The following GPR180 variants were observed in gnomAD, a reference collection of about 807,000 sequenced individuals.
GPR180 encodes integral membrane protein GPR180.
A neutral mutation model predicts 52.6 loss-of-function variants in GPR180; 53 were observed. The observed-to-expected ratio is 1.01, with a 90% CI of 0.81 to 1.27. The LOEUF (loss-of-function observed/expected upper bound fraction) is 1.27. Among genes scored for constraint, GPR180 ranks in the 50% most tolerant of loss-of-function variants. GPR180 has a pLI of 0.00. For missense variants in GPR180, 533 were observed against 527.0 expected, an observed-to-expected ratio of 1.01 and a Z score of -0.11; for synonymous variants, 200 against 193.1, an observed-to-expected ratio of 1.04 and a Z score of -0.30.
Position 94,627,258 on chromosome 13 carries a change from A to G in GPR180, c.*87A>G. 1.8e-6 allele frequency: 2 copies of G among 1,140,300 alleles called. No homozygotes were observed. Among genetic ancestry groups the G allele is most frequent in the Non-Finnish European group, 2.5e-6 (2 of 784,812 alleles). 70.6% of individuals were successfully genotyped at this position (1,140,300 alleles called of 1,614,324 possible). On this transcript the variant is annotated 3_prime_UTR_variant, in exon 9 of 9. Transcript: ENST00000376958. ...ACAGTGACTTTTTTTTCATACATTT[A>G]GTATGAAAACTTGAACAGCGAAAGC...
chr13:94,626,085 T>C (rs1472573551), intron 8 of GPR180, 42 bp downstream of exon 8: 1 of 1,347,712 alleles, frequency 7.4e-7, no homozygotes, highest in Admixed American at 1.7e-5. Context: ...TTAATGAAAA[T>C]ATTGTCTTAA....
chr13:94,619,558 T>G, intron 5 of GPR180, 41 bp downstream of exon 5: 1 of 1,482,150 alleles, frequency 6.7e-7, no homozygotes, highest in Non-Finnish European at 9.3e-7. Context: ...GCTTTTACAC[T>G]CGCTATCTGC....
At chr13:94,619,097 T>A (rs1332831257) in intron 3 of GPR180, 53 bp from the exon 4 acceptor site, 1 of 1,440,758 alleles carries the variant, frequency 6.9e-7, no homozygotes, top group African/African-American at 1.4e-5. Context: ...AGCAGCCCAA[T>A]ACGATAACTG....
intron 7 of GPR180, among the ~76,000 whole-genome samples, chr13:94,625,171 T>A (rs1367769345): frequency 6.6e-6 from 1 of 152,238 alleles, no homozygotes; most frequent in African/African-American, 2.4e-5. Flanking sequence ...ATGTTTTAAT[T>A]TAACTTTCTA....
intron 1 of GPR180, among the ~76,000 whole-genome samples, chr13:94,602,830 A>T (rs986798723): frequency 6.6e-6 from 1 of 152,140 alleles, no homozygotes; most frequent in Non-Finnish European, 1.5e-5. Flanking sequence ...TTGCACTCTC[A>T]CAATTTAAGT....
At chr13:94,624,899 TC>T (rs1360173036) in intron 7 of GPR180, among the ~76,000 whole-genome samples, 1 of 151,958 alleles carries the variant, frequency 6.6e-6, no homozygotes, top group Non-Finnish European at 1.5e-5. Context: ...TGGTGCGATT[TC>T]GGCTCACTGC....
At position 94,601,999 on chromosome 13, in the gene GPR180, C is replaced by T. The variant is rs1323421325; in HGVS notation, c.72C>T (p.Thr24=). 3.4e-6 allele frequency: 5 copies of T among 1,477,114 alleles called. No homozygotes were observed. The highest frequency in any genetic ancestry group is 4.5e-6 in the Non-Finnish European group (5 of 1,116,492). 91.5% of individuals were successfully genotyped at this position (1,477,114 alleles called of 1,614,324 possible). The change falls in exon 1 of 9, where the codon ACC becomes ACT. Residue 24 remains threonine (T), a synonymous_variant. Transcript: ENST00000376958. ...GGCCGCAGGGCAGCCAGGGTAAGACCCTGCGGGGCAGCTTCAGCAGCACCG... is the reference window on the plus strand; with the variant it reads ...GGCCGCAGGGCAGCCAGGGTAAGACTCTGCGGGGCAGCTTCAGCAGCACCG... ...CWWPQGSQGK[T]LRGSFSSTAA... is the part of the protein sequence containing the mutation.
At position 94,614,654 on chromosome 13, in the gene GPR180, G is replaced by C. The variant is rs113313241; in HGVS notation, c.505+2264G>C. On this transcript the variant is annotated intron_variant, in intron 3 of 8. Coordinates refer to ENST00000376958, the MANE Select transcript of GPR180 (RefSeq NM_180989.6). ...GATGCATACTAACCGTTATGATTCA[G>C]TTCTTAGTTTTGTCTCCTTCTGACC... Among the ~76,000 whole-genome samples the C allele has an allele frequency of 7.3e-3, 1,108 of 152,192 alleles. 16 individuals are homozygous for C. Among genetic ancestry groups the C allele is most frequent in the African/African-American group, 0.026 (1,060 of 41,508 alleles).
chr13:94,622,357 A>G (rs1335274848), intron 6 of GPR180, among the ~76,000 whole-genome samples: 6 of 152,156 alleles, frequency 3.9e-5, no homozygotes, highest in Non-Finnish European at 8.8e-5. Flanking sequence ...ATTTATTGTC[A>G]TAGACAAATA....
chr13:94,611,630 G>A (rs912394089), intron 2 of GPR180, among the ~76,000 whole-genome samples: 2 of 151,998 alleles, frequency 1.3e-5, no homozygotes. Flanking sequence ...AGCCAGTGCT[G>A]GTTGTGTCCT....
At chr13:94,619,953 C>T (rs762083025) in intron 5 of GPR180, among the ~76,000 whole-genome samples, 13 of 152,178 alleles carry the variant, frequency 8.5e-5, no homozygotes, top group Non-Finnish European at 1.9e-4. Context: ...TACTCTTGGG[C>T]TTGAGGGATC....
intron 2 of GPR180, among the ~76,000 whole-genome samples, chr13:94,606,764 C>T (rs1889638060): frequency 6.6e-6 from 1 of 152,226 alleles, no homozygotes; most frequent in Non-Finnish European, 1.5e-5. Context: ...CAGAGGTCCC[C>T]AGTCCTTGCC....
chr13:94,613,053 ACTT>A (rs1889731044), intron 3 of GPR180, among the ~76,000 whole-genome samples: 1 of 152,182 alleles, frequency 6.6e-6, no homozygotes, highest in African/African-American at 2.4e-5. Flanking sequence ...GAAATGAATG[ACTT>A]CTTATGATCA....
chr13:94,604,927 TATGTCTACCCCAGA>T (rs1260071556), intron 1 of GPR180, among the ~76,000 whole-genome samples: 1 of 152,202 alleles, frequency 6.6e-6, no homozygotes, highest in African/African-American at 2.4e-5. Flanking sequence ...TTAGGTATAA[TATGTCTACCCCAGA>T]ACACATACAT....
At chr13:94,621,011 A>G (rs1398127281) in intron 5 of GPR180, 67 bp from the exon 6 acceptor site, 1 of 1,429,992 alleles carries the variant, frequency 7.0e-7, no homozygotes, top group East Asian at 2.5e-5. Context: ...GATGTTCTCA[A>G]TGCAAAAAGC....
chr13:94,612,416 C>G (rs920744396), intron 3 of GPR180, 26 bp downstream of exon 3: 1 of 1,463,348 alleles, frequency 6.8e-7, no homozygotes, highest in Non-Finnish European at 9.5e-7. Context: ...TGAATATATC[C>G]TAAATTCAGG....
intron 2 of GPR180, 67 bp from the exon 3 acceptor site, chr13:94,612,123 A>C (rs574927735): frequency 2.4e-6 from 3 of 1,224,766 alleles, no homozygotes; most frequent in Admixed American, 1.8e-5. Context: ...CAAATTGATT[A>C]TATGACTAAA....
At position 94,608,708 on chromosome 13, in the gene GPR180, G is replaced by A. The variant is rs139792452; in HGVS notation, c.304+3159G>A. Among the ~76,000 whole-genome samples, 247 of 152,170 alleles carry A rather than the reference G, an allele frequency of 1.6e-3. 3 individuals carry two copies. The Middle Eastern group carries it at 0.02, about 13-fold the overall frequency. ...ACATATTTAAGAATAGTTCCTTATA[G>A]CAAGTGCTTTTCTTAGCTATTAATG... On this transcript the variant is annotated intron_variant, in intron 2 of 8. Coordinates refer to ENST00000376958, the MANE Select transcript of GPR180 (RefSeq NM_180989.6).
chr13:94,618,461 G>C (rs1057401395), intron 3 of GPR180, among the ~76,000 whole-genome samples: 3 of 97,176 alleles, frequency 3.1e-5, no homozygotes, highest in African/African-American at 1.8e-4. Context: ...GCTGCAGACA[G>C]TTTATCTCAG....
Sources: allele counts gnomAD v4.1 joint callset (sites outside exome capture counted in the v4.1 genomes callset), GRCh38; gene constraint gnomAD v4.1.1; transcripts MANE v1.5; gene names NCBI Gene and HGNC (gene_info 2026-07-23, HGNC 2026-07-21).